Variants in UPP2 observed in about 807,000 individuals in gnomAD.
UPP2 encodes the protein UPase 2.
UPP2 carries 23 observed loss-of-function variants against 26.7 expected under a neutral mutation model. That is an observed-to-expected ratio of 0.86 (90% CI 0.62 to 1.22). The LOEUF (loss-of-function observed/expected upper bound fraction) is 1.22. UPP2 is among the 50% of genes most tolerant of loss of function. The probability of loss-of-function intolerance (pLI) is 0.00; values close to 1 mark genes in which losing one functional copy is unlikely to be tolerated. For synonymous variants in UPP2, 127 were observed against 141.3 expected (o/e 0.90, Z 0.72); for missense variants, 387 against 396.7 (o/e 0.98, Z 0.21).
At chr2:158,036,317 A>C (rs1459086927) in intron 3 of UPP2, among the ~76,000 whole-genome samples, 1 of 152,114 alleles carries the variant, frequency 6.6e-6, no homozygotes, top group East Asian at 1.9e-4. Flanking sequence ...TTGAACCTGA[A>C]AAGCAGGGTG....
chr2:158,003,719 A>AT (rs995546257), intron 2 of UPP2, among the ~76,000 whole-genome samples: 2 of 151,438 alleles, frequency 1.3e-5, no homozygotes, highest in Non-Finnish European at 2.9e-5. Context: ...AAAAATAAAA[A>AT]AAAAAAAAAA....
At chr2:158,052,665 T>C (rs1012293252) in intron 3 of UPP2, among the ~76,000 whole-genome samples, 3 of 152,220 alleles carry the variant, frequency 2.0e-5, no homozygotes, top group Non-Finnish European at 4.4e-5. Context: ...ATTTGTAGAA[T>C]AGAATTAATA....
chr2:158,015,577 T>C (rs1192849015), intron 2 of UPP2, among the ~76,000 whole-genome samples: 1 of 152,188 alleles, frequency 6.6e-6, no homozygotes, highest in Admixed American at 6.5e-5. Flanking sequence ...GAGACTCTAG[T>C]TATATACGGA....
chr2:158,118,319 T>C (rs1486227957), intron 4 of UPP2, among the ~76,000 whole-genome samples: 2 of 151,988 alleles, frequency 1.3e-5, no homozygotes, highest in Non-Finnish European at 2.9e-5. Context: ...GTCCCAGTTT[T>C]ATCAGCTAAG....
At chr2:158,048,436 T>C (rs1574262754) in intron 3 of UPP2, among the ~76,000 whole-genome samples, 1 of 152,044 alleles carries the variant, frequency 6.6e-6, no homozygotes, top group Non-Finnish European at 1.5e-5. Context: ...TGACACCCCA[T>C]CTCTACCAAA....
intron 3 of UPP2, among the ~76,000 whole-genome samples, chr2:158,067,534 C>T (rs1682457035): frequency 6.6e-6 from 1 of 152,068 alleles, no homozygotes; most frequent in African/African-American, 2.4e-5. Flanking sequence ...AATATGGAAT[C>T]CTACGTGCAT....
chr2:158,081,953 AT>A lies in UPP2; in HGVS notation c.148-20073del, dbSNP rs201070868. 5.6e-3 allele frequency among the ~76,000 whole-genome samples: 814 copies of A among 144,684 alleles called. 6 individuals are homozygous for A. The highest frequency in any genetic ancestry group is 0.013 in the African/African-American group (500 of 39,678). 94.9% of individuals were successfully genotyped at this position (144,684 alleles called of 152,430 possible). On this transcript the variant is annotated intron_variant, in intron 3 of 9. Transcript: ENST00000605860. ...CAGGTGGTGTTTGGTTACATGAATA[AT>A]TTTTTTTTTTTTTGAGACAGTCTCA...
intron 3 of UPP2, among the ~76,000 whole-genome samples, chr2:158,116,640 A>G (rs1683436922): frequency 6.6e-6 from 1 of 152,216 alleles, no homozygotes; most frequent in African/African-American, 2.4e-5. Context: ...CATTTTATCA[A>G]TGCGTAACAT....
At chr2:158,003,896 A>T (rs896920635) in intron 2 of UPP2, among the ~76,000 whole-genome samples, 2 of 152,160 alleles carry the variant, frequency 1.3e-5, no homozygotes, top group African/African-American at 4.8e-5. Flanking sequence ...CATTTCTCTA[A>T]GTGCTGGATT....
At chr2:158,105,742 G>C (rs1186847990) in intron 1 of UPP2, among the ~76,000 whole-genome samples, 1 of 152,216 alleles carries the variant, frequency 6.6e-6, no homozygotes, top group Non-Finnish European at 1.5e-5. Flanking sequence ...GTTACAGTCA[G>C]AACTGAATAG....
In UPP2 at chr2:158,033,034, C is replaced by T. The variant is rs538740061; in HGVS notation, c.147+17148C>T. On this transcript the variant is annotated intron_variant, in intron 3 of 9. Coordinates refer to the UPP2 transcript ENST00000605860. ...TACCCATCCTTAAACCCTCAAATCC[C>T]GCTGTATAATTACCCCTAGGAGGCC... Among the ~76,000 whole-genome samples, 38 of 152,164 alleles carry T rather than the reference C, an allele frequency of 2.5e-4. No individual in the cohort carries two copies. In the South Asian group the frequency reaches 7.0e-3, roughly 28 times the overall value.
chr2:158,102,840 G>A (rs1683104094), intron 1 of UPP2, among the ~76,000 whole-genome samples: 1 of 152,170 alleles, frequency 6.6e-6, no homozygotes, highest in African/African-American at 2.4e-5. Flanking sequence ...GTAGCCTCCT[G>A]CATGTTCCCT....
intron 3 of UPP2, chr2:158,065,536 T>C (rs994466031): frequency 8.6e-6 from 4 of 463,274 alleles, no homozygotes; most frequent in African/African-American, 2.0e-5. Context: ...GTCTTTTAAC[T>C]AAATTAACAT....
At chr2:158,001,957 C>CAAAAAAAAAAAA (rs200818827) in intron 2 of UPP2, among the ~76,000 whole-genome samples, 2 of 65,484 alleles carry the variant, frequency 3.1e-5, no homozygotes, top group Non-Finnish European at 6.2e-5. Context: ...GAATGAGCAC[C>CAAAAAAAAAAAA]AAAAAAAAAA....
At chr2:158,065,884 T>C in intron 3 of UPP2, 1 of 634,436 alleles carries the variant, frequency 1.6e-6, no homozygotes, top group Non-Finnish European at 2.9e-6. Flanking sequence ...GCTCCAGTAC[T>C]TGTTGCCCTA....
chr2:158,014,796 A>T (rs1683634758), intron 2 of UPP2, among the ~76,000 whole-genome samples: 1 of 152,120 alleles, frequency 6.6e-6, no homozygotes, highest in Admixed American at 6.5e-5. Flanking sequence ...ATAACAAAAC[A>T]CCCAAATCAT....
At chr2:158,062,815 T>C (rs557952961) in intron 3 of UPP2, among the ~76,000 whole-genome samples, 2 of 152,320 alleles carry the variant, frequency 1.3e-5, no homozygotes, top group East Asian at 1.9e-4. Context: ...ATAAGGGAGA[T>C]CCAGCATACT....
chr2:158,088,578 T>A (rs1682856118), intron 3 of UPP2, among the ~76,000 whole-genome samples: 1 of 152,126 alleles, frequency 6.6e-6, no homozygotes, highest in Non-Finnish European at 1.5e-5. Context: ...TTACTAGAAT[T>A]TTTTTTCTGG....
chr2:158,083,862 GTTTT>G (rs976548020), intron 3 of UPP2, among the ~76,000 whole-genome samples: 9 of 136,046 alleles, frequency 6.6e-5, no homozygotes, highest in African/African-American at 2.7e-4. Context: ...ATATATATAT[GTTTT>G]TTATATATAT....
Sources: allele counts gnomAD v4.1 joint callset (sites outside exome capture counted in the v4.1 genomes callset), GRCh38; gene constraint gnomAD v4.1.1; transcripts MANE v1.5; gene names NCBI Gene and HGNC (gene_info 2026-07-23, HGNC 2026-07-21).